Variants in C1orf116 observed in about 807,000 individuals in gnomAD.
C1orf116 encodes the protein chromosome 1 open reading frame 116, also known as specifically androgen-regulated gene protein.
A neutral mutation model predicts 14.1 loss-of-function variants in C1orf116; 12 were observed. The observed-to-expected ratio is 0.85, with a 90% CI of 0.54 to 1.38. The LOEUF is 1.38. Ranked by LOEUF, C1orf116 falls within the 40% of genes most tolerant of loss-of-function variation. C1orf116 has a pLI of 0.00. For missense variants in C1orf116, 797 were observed against 747.0 expected, an observed-to-expected ratio of 1.07 and a Z score of -0.78; for synonymous variants, 296 against 299.0, an observed-to-expected ratio of 0.99 and a Z score of 0.10.
chr1:207,030,681 C>A (rs1011243731), intron 1 of C1orf116, among the ~76,000 whole-genome samples: 3 of 152,168 alleles, frequency 2.0e-5, no homozygotes, highest in Non-Finnish European at 4.4e-5. Context: ...GACTTCACAA[C>A]CTTGAACCTT....
chr1:207,031,722 C>T (rs1682250955), intron 1 of C1orf116, among the ~76,000 whole-genome samples: 1 of 152,214 alleles, frequency 6.6e-6, no homozygotes, highest in Admixed American at 6.5e-5. Context: ...GGAAAACAAA[C>T]AAAGCCACCA....
intron 2 of C1orf116, among the ~76,000 whole-genome samples, chr1:207,026,693 A>T (rs1015442343): frequency 6.6e-6 from 1 of 152,244 alleles, no homozygotes; most frequent in African/African-American, 2.4e-5. Context: ...TAAATTCTCT[A>T]TGATTCTTAT....
chr1:207,027,444 G>A (rs767761267), intron 2 of C1orf116, 50 bp downstream of exon 2: 6 of 1,603,496 alleles, frequency 3.7e-6, no homozygotes, highest in East Asian at 4.5e-5. Flanking sequence ...GCAGGGCAGG[G>A]CAGGTGTGCA....
chr1:207,024,865 C>G lies in C1orf116; in HGVS notation c.283+22G>C, dbSNP rs762538738. ...GATTTTCTGGGTTTTGCTGGGGTTCCACCCCAGAGGGTCTGCCTTACCCCG... is the reference window on the plus strand; with the variant it reads ...GATTTTCTGGGTTTTGCTGGGGTTCGACCCCAGAGGGTCTGCCTTACCCCG... On this transcript the variant is annotated intron_variant, in intron 3 of 3. Transcript: ENST00000359470. 4 of 1,597,514 alleles carry G rather than the reference C, an allele frequency of 2.5e-6. No homozygotes were observed. In the Admixed American group the frequency reaches 6.7e-5, roughly 27 times the overall value.
chr1:207,030,612 C>T (rs934361027), intron 1 of C1orf116, among the ~76,000 whole-genome samples: 1 of 152,206 alleles, frequency 6.6e-6, no homozygotes, highest in African/African-American at 2.4e-5. Flanking sequence ...CACCTCATCT[C>T]CATACCTAGT....
chr1:207,022,422 C>T lies in C1orf116; in HGVS notation c.1342G>A (p.Ala448Thr), dbSNP rs1042472630. The change falls in exon 4 of 4, where the codon GCC becomes ACC. Residue 448 changes from alanine (A) to threonine (T), a missense_variant. Transcript: ENST00000359470. The part of the protein sequence containing the change: ...SKSMPISIPK[A>T]PRANSALTPP... Reference sequence around the variant, plus strand: ...GTCAGGGCACTGTTTGCCCTTGGGGCCTTAGGGATAGAAATTGGCATAGAT... The same window carrying T: ...GTCAGGGCACTGTTTGCCCTTGGGGTCTTAGGGATAGAAATTGGCATAGAT... 1.2e-6 allele frequency: 2 copies of T among 1,614,036 alleles called. No individual in the cohort carries two copies. The highest frequency in any genetic ancestry group is 2.7e-5 in the African/African-American group (2 of 74,912).
rs147791562 is a variant in C1orf116 at position 207,021,745 on chromosome 1, AAC to A, written c.*211_*212del. The A allele has an allele frequency of 0.011, 4,367 of 410,850 alleles. No individual in the cohort carries two copies. The highest frequency in any genetic ancestry group is 0.014 in the East Asian group (380 of 26,634). The allele number at this position is 410,850 out of a possible 1,614,324, so 25.5% of individuals were successfully genotyped here. On this transcript the variant is annotated 3_prime_UTR_variant, in exon 4 of 4. Coordinates refer to ENST00000359470, the MANE Select transcript of C1orf116 (RefSeq NM_023938.6). ...CGGCCCCCCCTCCACACACACACCA[AAC>A]ACACACACACACACCCTCTTGTGGA...
In C1orf116 at chr1:207,022,324, C is replaced by T. The variant is rs143869260; in HGVS notation, c.1440G>A (p.Lys480=). 501 of 1,613,836 alleles carry T rather than the reference C, an allele frequency of 3.1e-4. 5 individuals carry two copies. The East Asian group carries it at 8.7e-3, about 28-fold the overall frequency. Reference sequence around the variant, plus strand: ...CGCCTGAGCGCTCCAGAGTGTTGGACTTGAAGTTCATCTGTCTCAGGCCAG... The same window carrying T: ...CGCCTGAGCGCTCCAGAGTGTTGGATTTGAAGTTCATCTGTCTCAGGCCAG... ...NTPGLRQMNF[K]SNTLERSGVG... The change falls in exon 4 of 4, where the codon AAG becomes AAA. Residue 480 remains lysine (K), a synonymous_variant. Transcript: ENST00000359470.
At chr1:207,027,737 A>T (rs1217804646) in intron 1 of C1orf116, 58 bp from the exon 2 acceptor site, 1 of 1,458,572 alleles carries the variant, frequency 6.9e-7, no homozygotes, top group Non-Finnish European at 9.0e-7. Flanking sequence ...GGCTCTGCCC[A>T]GGCCCTGGGC....
chr1:207,018,699 T>C lies in C1orf116; in HGVS notation c.*3259A>G, dbSNP rs1681732560. 1 of 152,198 alleles carries C rather than the reference T, an allele frequency of 6.6e-6. No homozygotes were observed. The highest frequency in any genetic ancestry group is 1.5e-5 in the Non-Finnish European group (1 of 68,030). 9.4% of individuals were successfully genotyped at this position (152,198 alleles called of 1,614,324 possible). On this transcript the variant is annotated 3_prime_UTR_variant, in exon 4 of 4. Transcript: ENST00000359470. ...ATCGCCAGGGTTCCTGACTGGTAAG[T>C]GATGGAGGCTGAATTTGAGCCAGAT...
At chr1:207,028,845 C>T (rs944271266) in intron 1 of C1orf116, among the ~76,000 whole-genome samples, 4 of 152,198 alleles carry the variant, frequency 2.6e-5, no homozygotes, top group East Asian at 1.9e-4. Context: ...CAAGATCAAA[C>T]AGAGAGTTGG....
intron 1 of C1orf116, among the ~76,000 whole-genome samples, chr1:207,030,229 A>T (rs1329296805): frequency 6.6e-6 from 1 of 152,218 alleles, no homozygotes; most frequent in Admixed American, 6.5e-5. Context: ...TGAGAAAGTT[A>T]TGGCTCTTAC....
Position 207,023,177 on chromosome 1 carries a change from A to G in C1orf116, c.587T>C (p.Val196Ala). 6.2e-7 allele frequency: 1 copy of G among 1,609,670 alleles called. No homozygotes were observed. Among genetic ancestry groups the G allele is most frequent in the Non-Finnish European group, 8.5e-7 (1 of 1,177,660 alleles). ...PQEAALDLDVVLIPPPEAFRD... is the reference protein window; with the variant it reads ...PQEAALDLDVALIPPPEAFRD... ...GAAAGCTTCTGGCGGAGGGATGAGCACCACGTCCAAGTCAAGGGCAGCCTC... is the reference window on the plus strand; with the variant it reads ...GAAAGCTTCTGGCGGAGGGATGAGCGCCACGTCCAAGTCAAGGGCAGCCTC... The change falls in exon 4 of 4, where the codon GTG (valine) becomes GCG (alanine). Residue 196 changes from valine (V) to alanine (A), a missense_variant. Coordinates refer to ENST00000359470, the MANE Select transcript of C1orf116 (RefSeq NM_023938.6).
Position 207,021,882 on chromosome 1 carries a change from TG to T in C1orf116, c.*75del. ...CATTCATCTTGAGCCCTGAGTTGCG[TG>T]GTGGCAAAGGCTCCCAAGTGGAGCA... On this transcript the variant is annotated 3_prime_UTR_variant, in exon 4 of 4. Transcript: ENST00000359470. The T allele has an allele frequency of 7.0e-7, 1 of 1,418,602 alleles. No individual in the cohort carries two copies. The highest frequency in any genetic ancestry group is 9.4e-7 in the Non-Finnish European group (1 of 1,067,332). 87.9% of individuals were successfully genotyped at this position (1,418,602 alleles called of 1,614,324 possible).
chr1:207,022,869 G>C lies in C1orf116; in HGVS notation c.895C>G (p.Arg299Gly). ...RLAPLTTPKP[R>G]KLPPNIVLKS... ...AGAACAATATTAGGTGGCAGCTTCC[G>C]GGGCTTAGGGGTTGTGAGGGGAGCT... The change falls in exon 4 of 4, where the codon CGG (arginine) becomes GGG (glycine). Residue 299 changes from arginine to glycine, a missense_variant. By Grantham distance (125) the Arg-to-Gly change is moderately radical. Coordinates refer to ENST00000359470, the MANE Select transcript of C1orf116 (RefSeq NM_023938.6). The C allele has an allele frequency of 1.2e-6, 2 of 1,614,042 alleles. No homozygotes were observed. Among genetic ancestry groups the C allele is most frequent in the Non-Finnish European group, 1.7e-6 (2 of 1,179,966 alleles).
Position 207,018,893 on chromosome 1 carries a change from T to TA in C1orf116, c.*3064dup, listed in dbSNP as rs1318885802. On this transcript the variant is annotated 3_prime_UTR_variant, in exon 4 of 4. Transcript: ENST00000359470. ...ACAGGAGGGTCCTTCCTTCTTAGCC[T>TA]ACACATACAACCAGGTGTCAAAGGA... 1 of 152,322 alleles carries TA rather than the reference T, an allele frequency of 6.6e-6. No homozygotes were observed. Among genetic ancestry groups the TA allele is most frequent in the Non-Finnish European group, 1.5e-5 (1 of 68,140 alleles). 9.4% of individuals were successfully genotyped at this position (152,322 alleles called of 1,614,324 possible). A position where few individuals can be genotyped will look rare whatever the true frequency, so the allele number is the denominator to read the frequency against.
rs764876486 is a variant in C1orf116, at chr1:207,022,488, G to A, written c.1276C>T (p.Pro426Ser). The part of the protein sequence containing the change: ...PAPGPAQGPL[P>S]MKSPAPGNVA... ...TTGCCTGGAGCTGGAGACTTCATTGGCAAAGGTCCCTGAGCTGGACCTGGA... is the reference window on the plus strand; with the variant it reads ...TTGCCTGGAGCTGGAGACTTCATTGACAAAGGTCCCTGAGCTGGACCTGGA... The change falls in exon 4 of 4, where the codon CCA becomes TCA. Residue 426 changes from proline to serine, a missense_variant. By Grantham distance (74) the Pro-to-Ser change is moderately conservative (BLOSUM62 -1). Coordinates refer to ENST00000359470, the MANE Select transcript of C1orf116 (RefSeq NM_023938.6). The A allele has an allele frequency of 6.2e-7, 1 of 1,614,192 alleles. No homozygotes were observed. Among genetic ancestry groups the A allele is most frequent in the Non-Finnish European group, 8.5e-7 (1 of 1,180,024 alleles).
chr1:207,024,003 A>G (rs917360636), intron 3 of C1orf116, among the ~76,000 whole-genome samples: 1 of 152,228 alleles, frequency 6.6e-6, no homozygotes, highest in African/African-American at 2.4e-5. Context: ...ACTGAGCCCA[A>G]TGCAAGCCTC....
chr1:207,023,903 A>T (rs188442470), intron 3 of C1orf116, among the ~76,000 whole-genome samples: 2 of 152,300 alleles, frequency 1.3e-5, no homozygotes, highest in African/African-American at 4.8e-5. Flanking sequence ...TAAGTTATTG[A>T]CTTGACCTCT....
Sources: allele counts gnomAD v4.1 joint callset (sites outside exome capture counted in the v4.1 genomes callset), GRCh38; gene constraint gnomAD v4.1.1; transcripts MANE v1.5; gene names NCBI Gene and HGNC (gene_info 2026-07-23, HGNC 2026-07-21).